The following CDH11 variants were observed in gnomAD, a reference collection of about 807,000 sequenced individuals.
CDH11 encodes the protein cadherin-11.
In CDH11, 11 loss-of-function variants were observed where a neutral mutation model predicts 67.8. The ratio of observed to expected loss-of-function variants is 0.16; its 90% confidence interval spans 0.10 to 0.27. CDH11 has a LOEUF of 0.27. Ranked by LOEUF, CDH11 falls within the 10% of genes least tolerant of loss-of-function variation. The pLI is 1.00. For missense variants in CDH11, 847 were observed against 1,031.2 expected, an observed-to-expected ratio of 0.82 and a Z score of 2.45; for synonymous variants, 419 against 400.0, an observed-to-expected ratio of 1.05 and a Z score of -0.57.
chr16:65,114,936 A>G (rs2142891625), intron 1 of CDH11, among the ~76,000 whole-genome samples: 1 of 152,300 alleles, frequency 6.6e-6, no homozygotes, highest in Non-Finnish European at 1.5e-5. Flanking sequence ...ATGAGTTAAA[A>G]CTGTCACTGC....
intron 2 of CDH11, among the ~76,000 whole-genome samples, chr16:65,041,227 C>G (rs1454261226): frequency 1.3e-5 from 2 of 152,142 alleles, no homozygotes; most frequent in African/African-American, 4.8e-5. Context: ...TATTTTCTTT[C>G]TCCTCCAGCA....
At chr16:65,068,635 T>C (rs2074362214) in intron 1 of CDH11, among the ~76,000 whole-genome samples, 1 of 152,190 alleles carries the variant, frequency 6.6e-6, no homozygotes, top group Admixed American at 6.5e-5. Context: ...GTAACCTCAT[T>C]AAAGAACTAA....
intron 1 of CDH11, among the ~76,000 whole-genome samples, chr16:65,113,821 C>G (rs1357057356): frequency 6.6e-6 from 1 of 152,126 alleles, no homozygotes; most frequent in Non-Finnish European, 1.5e-5. Flanking sequence ...TCCACCGCAC[C>G]CCTCTGCCCA....
chr16:64,963,464 A>G (rs980563125), intron 11 of CDH11, among the ~76,000 whole-genome samples: 1 of 152,208 alleles, frequency 6.6e-6, no homozygotes, highest in African/African-American at 2.4e-5. Context: ...CTGTGAAACT[A>G]TAAAAGGTGT....
chr16:64,978,127 A>G (rs2142445615), intron 8 of CDH11, among the ~76,000 whole-genome samples: 1 of 152,352 alleles, frequency 6.6e-6, no homozygotes, highest in Admixed American at 6.5e-5. Context: ...AGGTTTGTCA[A>G]ATAAATGTGT....
chr16:65,112,575 G>C lies in CDH11; in HGVS notation c.-298+9305C>G, dbSNP rs141272823. On this transcript the variant is annotated intron_variant, in intron 1 of 12. Coordinates refer to ENST00000268603, the MANE Select transcript of CDH11 (RefSeq NM_001797.4). ...CCTCGTGATTTGACCACTTCTGTTTGCCCAACCCAGGACCTTGCATTAATG... is the reference window on the plus strand; with the variant it reads ...CCTCGTGATTTGACCACTTCTGTTTCCCCAACCCAGGACCTTGCATTAATG... Among the ~76,000 whole-genome samples the C allele has an allele frequency of 4.6e-5, 7 of 152,170 alleles. No homozygotes were observed. In the East Asian group the frequency reaches 1.4e-3, roughly 29 times the overall value.
intron 2 of CDH11, among the ~76,000 whole-genome samples, chr16:65,012,218 A>C (rs1306898977): frequency 6.6e-6 from 1 of 152,350 alleles, no homozygotes; most frequent in African/African-American, 2.4e-5. Flanking sequence ...TGCCTAGTCA[A>C]ACCTCTTGTA....
At chr16:65,039,595 A>G (rs1192894553) in intron 2 of CDH11, among the ~76,000 whole-genome samples, 1 of 152,206 alleles carries the variant, frequency 6.6e-6, no homozygotes, top group African/African-American at 2.4e-5. Flanking sequence ...TAGACCTAAA[A>G]CCATAAAAAC....
At chr16:65,110,526 G>C (rs2075138329) in intron 1 of CDH11, among the ~76,000 whole-genome samples, 1 of 151,986 alleles carries the variant, frequency 6.6e-6, no homozygotes, top group South Asian at 2.1e-4. Context: ...GCTGGACATG[G>C]GTGGCTATGG....
chr16:65,090,805 C>A (rs1306465506), intron 1 of CDH11, among the ~76,000 whole-genome samples: 5 of 152,088 alleles, frequency 3.3e-5, no homozygotes, highest in Admixed American at 2.6e-4. Context: ...TGCTTTTGTT[C>A]CAAAGGTGTG....
intron 4 of CDH11, among the ~76,000 whole-genome samples, chr16:64,993,702 C>G (rs1242820273): frequency 6.6e-6 from 1 of 152,064 alleles, no homozygotes; most frequent in African/African-American, 2.4e-5. Context: ...CGAAGGGAAA[C>G]CAGGAAATTG....
chr16:65,115,256 A>T (rs941647983), intron 1 of CDH11, among the ~76,000 whole-genome samples: 1 of 152,174 alleles, frequency 6.6e-6, no homozygotes, highest in Non-Finnish European at 1.5e-5. Flanking sequence ...TCAAATCTCA[A>T]ATCCCAACTG....
At chr16:65,078,009 G>C (rs2074544591) in intron 1 of CDH11, among the ~76,000 whole-genome samples, 1 of 152,192 alleles carries the variant, frequency 6.6e-6, no homozygotes, top group Non-Finnish European at 1.5e-5. Context: ...CAATTAGGTT[G>C]ATCCTCTGAT....
intron 1 of CDH11, among the ~76,000 whole-genome samples, chr16:65,059,281 G>A (rs2074198685): frequency 6.6e-6 from 1 of 152,122 alleles, no homozygotes; most frequent in African/African-American, 2.4e-5. Context: ...GATGCCCAAC[G>A]TCTATCTGTA....
chr16:64,957,600 G>GCACACA (rs66508762), intron 11 of CDH11, among the ~76,000 whole-genome samples: 8,249 of 144,990 alleles, frequency 0.057, 460 homozygotes, highest in African/African-American at 0.14. Flanking sequence ...ACATGCCCGT[G>GCACACA]CACACACACA....
chr16:65,005,111 C>G (rs1864146), intron 2 of CDH11, 70 bp from the exon 3 acceptor site: 122 of 1,289,824 alleles, frequency 9.5e-5, no homozygotes, highest in Middle Eastern at 2.8e-4. Context: ...TTTCAGTAAG[C>G]CTTCAGGACT....
At chr16:64,999,657 C>T (rs2072868698) in intron 3 of CDH11, among the ~76,000 whole-genome samples, 1 of 152,118 alleles carries the variant, frequency 6.6e-6, no homozygotes, top group South Asian at 2.1e-4. Flanking sequence ...AAATCAGCCT[C>T]CCAAGTAGCT....
rs148712045 is a variant in CDH11, at chr16:65,047,279, C to T, written c.-173+6525G>A. 7.0e-4 allele frequency among the ~76,000 whole-genome samples: 107 copies of T among 152,166 alleles called. 1 individual carries two copies. The highest frequency in any genetic ancestry group is 6.0e-3 in the South Asian group (29 of 4,822). ...GTGGCTTCCAGGGAATGAGATTGAA[C>T]GCCTAGAGTATAGGAATTGAAGAAG... is the stretch of plus-strand genomic sequence containing the variant. On this transcript the variant is annotated intron_variant, in intron 2 of 12. Coordinates refer to ENST00000268603, the MANE Select transcript of CDH11 (RefSeq NM_001797.4).
At position 64,943,824 on chromosome 16, in the gene CDH11, C is replaced by A. The variant is rs766839441; in HGVS notation, c.*3779G>T. 14 of 220,930 alleles carry A rather than the reference C, an allele frequency of 6.3e-5. No homozygotes were observed. Among genetic ancestry groups the A allele is most frequent in the Non-Finnish European group, 1.1e-4 (12 of 110,324 alleles). The allele number at this position is 220,930 out of a possible 1,614,324, so 13.7% of individuals were successfully genotyped here. Reference sequence around the variant, plus strand: ...GGCACTGTGTAAAGAACTGAGTATACAATGGTAAACAAGAAAGCAAGATTC... The same window carrying A: ...GGCACTGTGTAAAGAACTGAGTATAAAATGGTAAACAAGAAAGCAAGATTC... On this transcript the variant is annotated 3_prime_UTR_variant, in exon 13 of 13. Transcript: ENST00000268603.
Sources: allele counts gnomAD v4.1 joint callset (sites outside exome capture counted in the v4.1 genomes callset), GRCh38; gene constraint gnomAD v4.1.1; transcripts MANE v1.5; gene names NCBI Gene and HGNC (gene_info 2026-07-23, HGNC 2026-07-21).